Variants in DGKG observed in about 807,000 individuals in gnomAD.
DGKG encodes the protein DAG kinase gamma.
A neutral mutation model predicts 105.3 loss-of-function variants in DGKG; 78 were observed. The ratio of observed to expected loss-of-function variants is 0.74; its 90% CI spans 0.62 to 0.89. The LOEUF (loss-of-function observed/expected upper bound fraction) is 0.89. Ranked by LOEUF, DGKG falls within the 40% of genes least tolerant of loss-of-function variation. The pLI, the probability that DGKG is intolerant of heterozygous loss-of-function variation, is 0.00. For missense variants in DGKG, 958 were observed against 1,020.1 expected, an observed-to-expected ratio of 0.94 and a Z score of 0.83; for synonymous variants, 346 against 367.1, an observed-to-expected ratio of 0.94 and a Z score of 0.66.
At chr3:186,337,399 T>A (rs1725879833) in intron 1 of DGKG, among the ~76,000 whole-genome samples, 1 of 151,538 alleles carries the variant, frequency 6.6e-6, no homozygotes, top group African/African-American at 2.4e-5. Context: ...AACACTGAAA[T>A]ATAATAAAAA....
In DGKG at chr3:186,279,850, CAG is replaced by C; in HGVS notation, c.791_792del (p.Ser264TrpfsTer42). 1 of 1,613,294 alleles carries C rather than the reference CAG, an allele frequency of 6.2e-7. No individual in the cohort carries two copies. The highest frequency in any genetic ancestry group is 8.5e-7 in the Non-Finnish European group (1 of 1,179,676). On this transcript the variant is annotated frameshift_variant and splice_region_variant, in exon 9 of 25. Coordinates refer to ENST00000265022, the MANE Select transcript of DGKG (RefSeq NM_001346.3). LOFTEE classifies it high-confidence loss of function. ...PLLVLLGMDD[S>X]GSKGDGRHAW... ...CTCTGAACTCCAGCTTGTTGACTTACAGAGTCATCCATCCCCAGGAGGACCAG... is the reference window on the plus strand; with the variant it reads ...CTCTGAACTCCAGCTTGTTGACTTACAGTCATCCATCCCCAGGAGGACCAG...
At chr3:186,305,023 T>C (rs2108623302) in intron 3 of DGKG, among the ~76,000 whole-genome samples, 1 of 152,362 alleles carries the variant, frequency 6.6e-6, no homozygotes, top group South Asian at 2.1e-4. Context: ...GGGGAGATCT[T>C]GCATTCATTT....
intron 6 of DGKG, among the ~76,000 whole-genome samples, chr3:186,287,470 T>C (rs1723124446): frequency 6.6e-6 from 1 of 152,206 alleles, no homozygotes; most frequent in Non-Finnish European, 1.5e-5. Flanking sequence ...ACTCTCTACT[T>C]TTATCTTTGA....
chr3:186,189,126 T>G (rs1178355011), intron 21 of DGKG, among the ~76,000 whole-genome samples: 1 of 152,182 alleles, frequency 6.6e-6, no homozygotes, highest in East Asian at 1.9e-4. Flanking sequence ...AAATTTTCAT[T>G]TTGCCCCCTC....
chr3:186,148,178 A>G lies in DGKG; in HGVS notation c.*1912T>C. 1 of 985,386 alleles carries G rather than the reference A, an allele frequency of 1.0e-6. No individual in the cohort carries two copies. The highest frequency in any genetic ancestry group is 1.2e-6 in the Non-Finnish European group (1 of 829,956). 61.0% of individuals were successfully genotyped at this position (985,386 alleles called of 1,614,324 possible). A position where few individuals can be genotyped will look rare whatever the true frequency, so the allele number is the denominator to read the frequency against. On this transcript the variant is annotated 3_prime_UTR_variant, in exon 25 of 25. Transcript: ENST00000265022. The stretch of plus-strand genomic sequence containing the variant: ...AGCTCTGCATGGCCTTGCCCTTGGG[A>G]AAGGATGGTAATGCTGGCACTTGCT...
Position 186,284,365 on chromosome 3 carries a change from G to A in DGKG, c.594+295C>T, listed in dbSNP as rs940644942. On this transcript the variant is annotated intron_variant, in intron 7 of 24. Transcript: ENST00000265022. This position sits in a 1 kb window ranked among gnomAD's most constrained non-coding sequence, Gnocchi z 4.0. ...ACTCCTGCAGGAAATTGCAGGAGGC[G>A]CTTGTGAACTGAATGGGAAGTTAAA... is the stretch of plus-strand genomic sequence containing the variant. Among the ~76,000 whole-genome samples the A allele has an allele frequency of 4.0e-4, 61 of 152,064 alleles. No homozygotes were observed. Among genetic ancestry groups the A allele is most frequent in the African/African-American group, 1.5e-3 (60 of 41,376 alleles).
At chr3:186,310,171 G>A (rs1197737777) in intron 2 of DGKG, among the ~76,000 whole-genome samples, 1 of 145,292 alleles carries the variant, frequency 6.9e-6, no homozygotes, top group African/African-American at 2.5e-5. Context: ...GGAGGCTGAG[G>A]CAGGAGAATC....
chr3:186,190,362 C>T (rs1399419906), intron 21 of DGKG, among the ~76,000 whole-genome samples: 4 of 152,214 alleles, frequency 2.6e-5, no homozygotes, highest in Non-Finnish European at 4.4e-5. Context: ...TTGAAAACTA[C>T]ATCAACGACG....
At chr3:186,298,315 C>A in intron 3 of DGKG, 86 bp from the exon 4 acceptor site, 2 of 1,338,138 alleles carry the variant, frequency 1.5e-6, no homozygotes, top group Non-Finnish European at 1.0e-6. Context: ...GAAAAGCTGG[C>A]AGGTGAAAGG....
intron 20 of DGKG, 54 bp downstream of exon 20, chr3:186,242,450 G>A: frequency 6.7e-7 from 1 of 1,503,326 alleles, no homozygotes; most frequent in Non-Finnish European, 9.0e-7. Flanking sequence ...AAAGGCCTCT[G>A]TTCCGCCAGG....
At chr3:186,343,010 A>G (rs1379215533) in intron 1 of DGKG, among the ~76,000 whole-genome samples, 1 of 152,170 alleles carries the variant, frequency 6.6e-6, no homozygotes. Flanking sequence ...AAAAATTATA[A>G]TGTGAAAAAA....
intron 1 of DGKG, among the ~76,000 whole-genome samples, chr3:186,359,983 C>T (rs1025782449): frequency 6.6e-6 from 1 of 152,226 alleles, no homozygotes; most frequent in African/African-American, 2.4e-5. Flanking sequence ...TTTCCCCCTT[C>T]TCTTCCAGGG....
intron 11 of DGKG, among the ~76,000 whole-genome samples, chr3:186,270,548 T>C (rs1722267576): frequency 6.6e-6 from 1 of 152,266 alleles, no homozygotes; most frequent in Admixed American, 6.5e-5. Flanking sequence ...GCTTATCACC[T>C]TGTGCCTTGC....
intron 1 of DGKG, among the ~76,000 whole-genome samples, chr3:186,348,148 T>G (rs1476104376): frequency 6.6e-6 from 1 of 152,130 alleles, no homozygotes; most frequent in Non-Finnish European, 1.5e-5. Flanking sequence ...TTATGTATCT[T>G]CTTTGTTGAG....
intron 15 of DGKG, among the ~76,000 whole-genome samples, chr3:186,261,008 A>G (rs1199726996): frequency 6.6e-6 from 1 of 152,108 alleles, no homozygotes; most frequent in East Asian, 1.9e-4. Context: ...GAGGGCGCTG[A>G]GAGGCCGTGA....
intron 1 of DGKG, among the ~76,000 whole-genome samples, chr3:186,341,663 G>C (rs1726091540): frequency 6.6e-6 from 1 of 152,122 alleles, no homozygotes; most frequent in Admixed American, 6.5e-5. Flanking sequence ...ACTTTTTGAT[G>C]GGGTTGTTTG....
chr3:186,353,590 T>TAC (rs1160903513), intron 1 of DGKG, among the ~76,000 whole-genome samples: 1,219 of 108,600 alleles, frequency 0.011, 8 homozygotes, highest in Non-Finnish European at 0.015. Context: ...TATATATATA[T>TAC]ACACACACAC....
intron 14 of DGKG, among the ~76,000 whole-genome samples, chr3:186,262,867 G>A (rs1365245570): frequency 6.6e-6 from 1 of 152,104 alleles, no homozygotes; most frequent in Non-Finnish European, 1.5e-5. Context: ...GATCACTCAC[G>A]CCTATAATCC....
At chr3:186,249,424 T>C (rs1721101510) in intron 19 of DGKG, among the ~76,000 whole-genome samples, 1 of 152,242 alleles carries the variant, frequency 6.6e-6, no homozygotes, top group South Asian at 2.1e-4. Context: ...AAAATAGAGA[T>C]AATAATGCCC....
Sources: gnomAD v4.1 joint callset for allele counts (sites outside exome capture counted in the v4.1 genomes callset) on GRCh38, gnomAD v4.1.1 for gene constraint, Gnocchi (gnomAD v3.1) non-coding constraint, MANE v1.5 for transcripts, NCBI Gene and HGNC (gene_info 2026-07-23, HGNC 2026-07-21) for gene names.